DEUP1: variants seen among roughly 807,000 people sequenced by gnomAD.
DEUP1 encodes coiled-coil domain containing 67.
Under a neutral mutation model 87.4 loss-of-function variants are expected in DEUP1, and 82 were observed. The ratio of observed to expected loss-of-function variants is 0.94; its 90% confidence interval spans 0.78 to 1.13. The LOEUF (loss-of-function observed/expected upper bound fraction) is 1.13. Ranked by LOEUF, DEUP1 falls within the 50% of genes most tolerant of loss-of-function variation. The probability of loss-of-function intolerance (pLI) is 0.00; values close to 1 mark genes in which losing one functional copy is unlikely to be tolerated. For missense variants in DEUP1, 663 were observed against 681.5 expected (o/e 0.97, Z 0.30); for synonymous variants, 214 against 222.7 (o/e 0.96, Z 0.35).
At chr11:93,400,535 T>G (rs1301782273) in intron 11 of DEUP1, among the ~76,000 whole-genome samples, 1 of 152,174 alleles carries the variant, frequency 6.6e-6, no homozygotes, top group Non-Finnish European at 1.5e-5. Flanking sequence ...GGGCCCACCC[T>G]AGTGACCTCA....
At chr11:93,356,684 A>G (rs1944914032) in intron 3 of DEUP1, among the ~76,000 whole-genome samples, 1 of 152,208 alleles carries the variant, frequency 6.6e-6, no homozygotes, top group African/African-American at 2.4e-5. Context: ...AGTAAATTCT[A>G]ACCCTGAATT....
chr11:93,374,867 G>A (rs989343713), intron 7 of DEUP1, among the ~76,000 whole-genome samples: 4 of 151,912 alleles, frequency 2.6e-5, no homozygotes, highest in Admixed American at 2.0e-4. Context: ...TTGATTTTGG[G>A]AGTATGGTCA....
chr11:93,373,897 A>T (rs996158373), intron 7 of DEUP1, among the ~76,000 whole-genome samples: 5 of 152,106 alleles, frequency 3.3e-5, no homozygotes, highest in Non-Finnish European at 1.5e-5. Flanking sequence ...ACTAGTTTAC[A>T]TTCCCACCAG....
intron 7 of DEUP1, among the ~76,000 whole-genome samples, chr11:93,377,117 T>A (rs1946077276): frequency 6.6e-6 from 1 of 152,216 alleles, no homozygotes; most frequent in Admixed American, 6.5e-5. Context: ...ACTGTAAATA[T>A]CTGTTAGCTC....
chr11:93,340,115 A>G (rs1166305628), intron 2 of DEUP1, among the ~76,000 whole-genome samples: 1 of 152,180 alleles, frequency 6.6e-6, no homozygotes, highest in Non-Finnish European at 1.5e-5. Context: ...AGTCTAGTGG[A>G]GGGAAACAGA....
At chr11:93,418,521 G>C (rs779043370) in intron 13 of DEUP1, among the ~76,000 whole-genome samples, 9 of 151,906 alleles carry the variant, frequency 5.9e-5, no homozygotes, top group Non-Finnish European at 1.2e-4. Flanking sequence ...TCATTAAAAA[G>C]TCAGGAAACA....
intron 7 of DEUP1, among the ~76,000 whole-genome samples, chr11:93,378,983 C>A (rs1322070054): frequency 6.6e-6 from 1 of 152,196 alleles, no homozygotes; most frequent in Non-Finnish European, 1.5e-5. Context: ...TTGATCCATA[C>A]AAATCAATGT....
chr11:93,374,993 A>G (rs1945962625), intron 7 of DEUP1, among the ~76,000 whole-genome samples: 1 of 143,326 alleles, frequency 7.0e-6, no homozygotes, highest in Non-Finnish European at 1.5e-5. Context: ...GGTTTTTCAC[A>G]TCCTTGGGTA....
intron 12 of DEUP1, among the ~76,000 whole-genome samples, chr11:93,413,122 GTTAAA>G (rs1947490261): frequency 6.6e-6 from 1 of 152,072 alleles, no homozygotes; most frequent in African/African-American, 2.4e-5. Context: ...TTTTAACTAG[GTTAAA>G]TTAAACTATG....
chr11:93,347,210 T>C (rs1049093404), intron 2 of DEUP1, among the ~76,000 whole-genome samples: 4 of 152,200 alleles, frequency 2.6e-5, no homozygotes, highest in African/African-American at 9.6e-5. Context: ...GAACCTAGTT[T>C]ATTGAGAGTT....
At chr11:93,411,642 A>G (rs1217923678) in intron 12 of DEUP1, among the ~76,000 whole-genome samples, 1 of 152,184 alleles carries the variant, frequency 6.6e-6, no homozygotes, top group Non-Finnish European at 1.5e-5. Context: ...AGAGTTTTGA[A>G]GTTTCAGGAT....
At chr11:93,347,382 G>T (rs960844609) in intron 2 of DEUP1, among the ~76,000 whole-genome samples, 1 of 152,148 alleles carries the variant, frequency 6.6e-6, no homozygotes, top group African/African-American at 2.4e-5. Flanking sequence ...TGAGCGTGGT[G>T]GATAAGTTTT....
At chr11:93,414,920 C>A in intron 12 of DEUP1, 80 bp from the exon 13 acceptor site, 1 of 739,812 alleles carries the variant, frequency 1.4e-6, no homozygotes, top group Non-Finnish European at 2.1e-6. Context: ...ACTTGGACAT[C>A]TGAGAGATTA....
rs1421201093 is a variant in DEUP1, at chr11:93,427,777, A to C, written c.1639-9766A>C. ...CTACAATCGACTCAAACAAATTTACAAGAAAAAAACAAACAACCCCATCAA... is the reference window on the plus strand; with the variant it reads ...CTACAATCGACTCAAACAAATTTACCAGAAAAAAACAAACAACCCCATCAA... On this transcript the variant is annotated intron_variant, in intron 13 of 13. Transcript: ENST00000298050. Among the ~76,000 whole-genome samples the C allele has an allele frequency of 1.4e-4, 15 of 109,976 alleles. No homozygotes were observed. In the Admixed American group the frequency reaches 1.8e-3, roughly 13 times the overall value. The allele number at this position is 109,976 out of a possible 152,430, so 72.1% of individuals were successfully genotyped here. A position where few individuals can be genotyped will look rare whatever the true frequency, so the allele number is the denominator to read the frequency against.
At chr11:93,331,903 G>T (rs1468065061) in intron 1 of DEUP1, among the ~76,000 whole-genome samples, 2 of 152,096 alleles carry the variant, frequency 1.3e-5, no homozygotes, top group Admixed American at 6.5e-5. Context: ...AATTAGCCGG[G>T]CATGGTGGCG....
intron 7 of DEUP1, among the ~76,000 whole-genome samples, chr11:93,381,767 T>A (rs12275682): frequency 0.24 from 36,856 of 151,994 alleles, 4,803 homozygotes; most frequent in South Asian, 0.38. Context: ...TAATTTAAAT[T>A]TTCCTACTAG....
At chr11:93,335,773 T>A (rs904076011) in intron 2 of DEUP1, among the ~76,000 whole-genome samples, 1 of 152,218 alleles carries the variant, frequency 6.6e-6, no homozygotes, top group Non-Finnish European at 1.5e-5. Flanking sequence ...TCAACCTTTT[T>A]TAGGTCATAT....
At chr11:93,359,961 A>G (rs1382303789) in intron 4 of DEUP1, among the ~76,000 whole-genome samples, 2 of 151,988 alleles carry the variant, frequency 1.3e-5, no homozygotes, top group African/African-American at 4.8e-5. Flanking sequence ...CCATCGTGAC[A>G]TTGGAGAGCC....
rs1237296636 is a variant in DEUP1 at position 93,371,234 on chromosome 11, A to C, written c.743A>C (p.Asn248Thr). Residue 248 changes from asparagine to threonine, a missense_variant, in exon 7 of 14, where the codon AAT becomes ACT. By Grantham distance (65) the Asn-to-Thr change is moderately conservative. Coordinates refer to ENST00000298050, the MANE Select transcript of DEUP1 (RefSeq NM_181645.4). ...ALSRNKLQDE[N>T]QKLLQELKMY... ...AGCAGGAATAAATTACAAGATGAAA[A>C]TCAGAAGCTCTTGCAAGAACTGAAA... The C allele has an allele frequency of 1.2e-6, 2 of 1,613,346 alleles. No homozygotes were observed. Among genetic ancestry groups the C allele is most frequent in the Non-Finnish European group, 1.7e-6 (2 of 1,179,642 alleles).
Sources: gnomAD v4.1 joint callset for allele counts (sites outside exome capture counted in the v4.1 genomes callset) on GRCh38, gnomAD v4.1.1 for gene constraint, MANE v1.5 for transcripts, NCBI Gene and HGNC (gene_info 2026-07-23, HGNC 2026-07-21) for gene names.